The following ZNF487 variants were observed in gnomAD, a reference collection of about 807,000 sequenced individuals.
ZNF487 encodes KRAB domain only 1.
A neutral mutation model predicts 3.0 loss-of-function variants in ZNF487; 4 were observed. That is an observed-to-expected ratio of 1.35 (90% CI 0.66 to 3.08). The LOEUF (loss-of-function observed/expected upper bound fraction) is 3.08, where lower values mean the gene tolerates loss of function less well. ZNF487 is among the 30% of genes most tolerant of loss of function. The pLI is 0.01. For synonymous variants in ZNF487, 55 were observed against 34.6 expected (o/e 1.59, Z -2.06); for missense variants, 146 against 98.7 (o/e 1.48, Z -2.03).
chr10:43,522,588 G>C, the ZNF487 span, among the ~76,000 whole-genome samples: 1 of 152,028 alleles, frequency 6.6e-6, no homozygotes, highest in Non-Finnish European at 1.5e-5. Flanking sequence ...ACAAAAATCA[G>C]CCAGGCACGG....
chr10:43,493,018 G>A, the ZNF487 span, among the ~76,000 whole-genome samples: 54 of 151,646 alleles, frequency 3.6e-4, 2 homozygotes, highest in East Asian at 0.01. Flanking sequence ...ATCACCTGAG[G>A]TCAGCAGTTT....
downstream of ZNF487, among the ~76,000 whole-genome samples, chr10:43,484,250 A>G (rs1841450473): frequency 6.6e-6 from 1 of 152,206 alleles, no homozygotes; most frequent in South Asian, 2.1e-4. Flanking sequence ...TTTGAAAGAT[A>G]AAATGTATGG....
the ZNF487 span, among the ~76,000 whole-genome samples, chr10:43,515,932 C>A: frequency 6.6e-6 from 1 of 152,116 alleles, no homozygotes; most frequent in African/African-American, 2.4e-5. Context: ...CACCACCACA[C>A]CCATCTAATT....
chr10:43,496,203 C>A, the ZNF487 span: 2 of 428,860 alleles, frequency 4.7e-6, no homozygotes, highest in Non-Finnish European at 9.6e-6. Flanking sequence ...AGTTGATATA[C>A]GTGATCCTTT....
chr10:43,500,703 TTTC>T, the ZNF487 span, among the ~76,000 whole-genome samples: 2 of 148,292 alleles, frequency 1.3e-5, no homozygotes, highest in East Asian at 4.0e-4. Flanking sequence ...GGAGATGGGG[TTTC>T]TTCTTGTTGC....
the ZNF487 span, among the ~76,000 whole-genome samples, chr10:43,510,392 A>G: frequency 2.6e-5 from 4 of 152,086 alleles, no homozygotes; most frequent in South Asian, 8.3e-4. Context: ...GTAGTTTCCC[A>G]TTGATCTAAT....
chr10:43,464,010 G>T (rs549865091), intron 1 of ZNF487, among the ~76,000 whole-genome samples: 2 of 151,786 alleles, frequency 1.3e-5, no homozygotes, highest in Admixed American at 1.3e-4. Flanking sequence ...ACCCTGCAGT[G>T]GCCTCTCAGT....
chr10:43,450,291 A>G (rs1388670361), intron 1 of ZNF487, among the ~76,000 whole-genome samples: 5 of 151,798 alleles, frequency 3.3e-5, no homozygotes, highest in Admixed American at 3.3e-4. Context: ...CAGGTGATCC[A>G]TCCGACTTGG....
At chr10:43,442,454 A>AT (rs1486157324) in intron 1 of ZNF487, among the ~76,000 whole-genome samples, 1 of 151,454 alleles carries the variant, frequency 6.6e-6, no homozygotes, top group Non-Finnish European at 1.5e-5. Flanking sequence ...TTATTTATTT[A>AT]TTTTTTTGAG....
chr10:43,477,023 T>C (rs1841123359), intron 3 of ZNF487, among the ~76,000 whole-genome samples: 1 of 152,016 alleles, frequency 6.6e-6, no homozygotes, highest in South Asian at 2.1e-4. Flanking sequence ...TGGGAAGAAA[T>C]AAGAGATAGA....
chr10:43,474,359 CAGG>C (rs1268975807), intron 1 of ZNF487, among the ~76,000 whole-genome samples: 1 of 151,638 alleles, frequency 6.6e-6, no homozygotes, highest in Admixed American at 6.6e-5. Flanking sequence ...GAGGCTGAAG[CAGG>C]AGAATTGCTT....
chr10:43,493,709 A>AAAAAAAAAAAAAATCT, the ZNF487 span, among the ~76,000 whole-genome samples: 1 of 43,720 alleles, frequency 2.3e-5, no homozygotes, highest in African/African-American at 8.7e-5. Context: ...AAAAAAAAAA[A>AAAAAAAAAAAAAATCT]ATATATATAT....
chr10:43,440,158 C>T (rs1221212028), intron 1 of ZNF487, among the ~76,000 whole-genome samples: 1 of 151,314 alleles, frequency 6.6e-6, no homozygotes, highest in African/African-American at 2.4e-5. Context: ...AAGCAATTCT[C>T]CTGCCTCAGC....
At chr10:43,469,891 A>G (rs1172950734) in intron 1 of ZNF487, among the ~76,000 whole-genome samples, 1 of 151,930 alleles carries the variant, frequency 6.6e-6, no homozygotes, top group African/African-American at 2.4e-5. Flanking sequence ...CAGAGGTTGC[A>G]GTGAGCTGAG....
intron 1 of ZNF487, among the ~76,000 whole-genome samples, chr10:43,458,615 CAAA>C (rs993991651): frequency 1.3e-5 from 2 of 152,022 alleles, no homozygotes; most frequent in African/African-American, 4.8e-5. Context: ...AAACAAAAAA[CAAA>C]AAACAGTTCT....
chr10:43,523,727 T>A, the ZNF487 span: 1 of 152,604 alleles, frequency 6.6e-6, no homozygotes, highest in Non-Finnish European at 1.5e-5. Flanking sequence ...GGGAGAAACC[T>A]TGTGAATATA....
the ZNF487 span, among the ~76,000 whole-genome samples, chr10:43,513,261 CT>C: frequency 6.6e-6 from 1 of 152,232 alleles, no homozygotes; most frequent in Admixed American, 6.5e-5. Flanking sequence ...GCCTTGCCAG[CT>C]GAAGGCAAAT....
the ZNF487 span, among the ~76,000 whole-genome samples, chr10:43,490,114 C>T: frequency 2.0e-5 from 3 of 152,124 alleles, no homozygotes; most frequent in Admixed American, 6.5e-5. Context: ...TTTGAGAGGC[C>T]GAAGGCGGGT....
chr10:43,495,762 G>C, the ZNF487 span, among the ~76,000 whole-genome samples: 4 of 152,094 alleles, frequency 2.6e-5, no homozygotes, highest in Non-Finnish European at 4.4e-5. Flanking sequence ...TATATCCCCA[G>C]AACATAAGAC....
Sources: allele counts gnomAD v4.1 joint callset (sites outside exome capture counted in the v4.1 genomes callset), GRCh38; gene constraint gnomAD v4.1.1; transcripts MANE v1.5; gene names NCBI Gene and HGNC (gene_info 2026-07-23, HGNC 2026-07-21).